IL1RAPL2: variants seen among roughly 807,000 people sequenced by gnomAD.
The protein encoded by IL1RAPL2 is interleukin 1 receptor accessory protein like 2.
A neutral mutation model predicts 44.1 loss-of-function variants in IL1RAPL2; 3 were observed. The ratio of observed to expected loss-of-function variants is 0.07; its 90% CI spans 0.03 to 0.18. The LOEUF is 0.18. IL1RAPL2 is among the 10% of genes least tolerant of loss of function. The pLI is 1.00. For synonymous variants in IL1RAPL2, 181 were observed against 178.8 expected (o/e 1.01, Z -0.10); for missense variants, 391 against 496.4 (o/e 0.79, Z 2.02).
chrX:105,276,833 T>A (rs1021512724), intron 5 of IL1RAPL2, among the ~76,000 whole-genome samples: 4 of 111,323 alleles, frequency 3.6e-5, no homozygotes, highest in African/African-American at 1.3e-4. Flanking sequence ...TGGAAAAAAA[T>A]TTAAAGAAAG....
intron 10 of IL1RAPL2, among the ~76,000 whole-genome samples, chrX:105,762,635 C>T (rs1413196430): frequency 8.9e-6 from 1 of 112,000 alleles, no homozygotes; most frequent in Non-Finnish European, 1.9e-5. Context: ...GTTTCGCAGA[C>T]TGGTCTAGAG....
chrX:105,195,442 C>T, intron 2 of IL1RAPL2, 33 bp from the exon 3 acceptor site: 1 of 1,197,564 alleles, frequency 8.4e-7, no homozygotes, highest in Non-Finnish European at 1.1e-6. Flanking sequence ...ACAATGCTCA[C>T]TGTATCTTAT....
intron 2 of IL1RAPL2, among the ~76,000 whole-genome samples, chrX:104,933,935 T>C (rs1209141013): frequency 2.7e-5 from 3 of 111,744 alleles, no homozygotes; most frequent in Non-Finnish European, 5.7e-5. Context: ...GAAAAAACAA[T>C]GTGGAACATA....
At chrX:105,130,356 G>T (rs1394842784) in intron 2 of IL1RAPL2, among the ~76,000 whole-genome samples, 3 of 111,398 alleles carry the variant, frequency 2.7e-5, no homozygotes, top group African/African-American at 9.8e-5. Flanking sequence ...ACCTCCAGGT[G>T]ATTCTGATGT....
chrX:105,019,807 T>A (rs1372833955), intron 2 of IL1RAPL2, among the ~76,000 whole-genome samples: 3 of 111,512 alleles, frequency 2.7e-5, no homozygotes, highest in South Asian at 7.4e-4. Flanking sequence ...GAATTTAAAA[T>A]CTCTCTAACT....
intron 2 of IL1RAPL2, among the ~76,000 whole-genome samples, chrX:104,839,197 A>T (rs1471477954): frequency 1.0e-4 from 11 of 110,394 alleles, no homozygotes; most frequent in African/African-American, 3.6e-4. Context: ...ATTCAGTATG[A>T]TATTGGCTAT....
chrX:105,041,745 C>G (rs756817426), intron 2 of IL1RAPL2, among the ~76,000 whole-genome samples: 7,613 of 107,793 alleles, frequency 0.071, 711 homozygotes, highest in African/African-American at 0.25. Flanking sequence ...TCATATGGAA[C>G]CAAAAAAGAG....
At chrX:105,510,679 G>A (rs754564723) in intron 6 of IL1RAPL2, among the ~76,000 whole-genome samples, 3 of 111,744 alleles carry the variant, frequency 2.7e-5, no homozygotes, top group African/African-American at 9.8e-5. Context: ...GAATAGGTCA[G>A]AGTGATATGA....
chrX:105,009,763 A>T (rs750882509), intron 2 of IL1RAPL2, among the ~76,000 whole-genome samples: 80 of 110,188 alleles, frequency 7.3e-4, no homozygotes, highest in Admixed American at 5.9e-3. Flanking sequence ...AATAAAATTT[A>T]AAAAAAAGAA....
chrX:104,685,105 T>C (rs1034595943), intron 2 of IL1RAPL2, among the ~76,000 whole-genome samples: 34 of 112,176 alleles, frequency 3.0e-4, no homozygotes, highest in Admixed American at 3.0e-3. Flanking sequence ...GCTTCTAGGT[T>C]TATTTGTTCA....
chrX:105,177,317 A>G (rs1015916231), intron 2 of IL1RAPL2, among the ~76,000 whole-genome samples: 4 of 109,831 alleles, frequency 3.6e-5, no homozygotes, highest in South Asian at 4.0e-4. Context: ...ACTGTCTCCT[A>G]TCACCCCCAG....
intron 3 of IL1RAPL2, among the ~76,000 whole-genome samples, chrX:105,197,140 C>A (rs1444240276): frequency 9.0e-6 from 1 of 111,104 alleles, no homozygotes; most frequent in Non-Finnish European, 1.9e-5. Context: ...TTGTGGTAGG[C>A]AAGATCTTCA....
Position 105,195,500 on chromosome X carries a change from G to A in IL1RAPL2, c.108G>A (p.Val36=). ...NSVDGCIDWS[V]DLKTYMALAG... ...TGGATGGCTGCATTGACTGGTCAGT[G>A]GATCTCAAGACATACATGGCTTTGG... The change falls in exon 3 of 11, where the codon GTG becomes GTA. Residue 36 remains valine (V), a synonymous_variant. Coordinates refer to ENST00000372582, the MANE Select transcript of IL1RAPL2 (RefSeq NM_017416.2). 1.7e-6 allele frequency: 2 copies of A among 1,211,668 alleles called. No individual in the cohort carries two copies. The highest frequency in any genetic ancestry group is 2.2e-6 in the Non-Finnish European group (2 of 895,238).
At chrX:104,939,819 GT>G (rs1055474594) in intron 2 of IL1RAPL2, among the ~76,000 whole-genome samples, 17 of 111,647 alleles carry the variant, frequency 1.5e-4, no homozygotes, top group African/African-American at 5.5e-4. Context: ...TTAAAAACAT[GT>G]TAAGTAAAAG....
chrX:105,143,125 A>G (rs1292897504), intron 2 of IL1RAPL2, among the ~76,000 whole-genome samples: 6 of 111,655 alleles, frequency 5.4e-5, no homozygotes, highest in Non-Finnish European at 9.4e-5. Context: ...GCTTCTGCAC[A>G]GCAAAAGAAA....
chrX:105,170,391 T>A (rs962885428), intron 2 of IL1RAPL2, among the ~76,000 whole-genome samples: 10 of 111,745 alleles, frequency 8.9e-5, no homozygotes, highest in Non-Finnish European at 1.7e-4. Flanking sequence ...TTATAAATTA[T>A]ATTACCAATA....
intron 2 of IL1RAPL2, among the ~76,000 whole-genome samples, chrX:104,957,777 T>C (rs1008663998): frequency 9.0e-6 from 1 of 111,501 alleles, no homozygotes; most frequent in Non-Finnish European, 1.9e-5. Context: ...GCCTGTGTTA[T>C]TGGTTGGTTT....
intron 3 of IL1RAPL2, among the ~76,000 whole-genome samples, chrX:105,211,507 A>G (rs2033807671): frequency 9.0e-6 from 1 of 111,476 alleles, no homozygotes; most frequent in Non-Finnish European, 1.9e-5. Context: ...CACTCAGATC[A>G]TGAATGAACT....
intron 2 of IL1RAPL2, among the ~76,000 whole-genome samples, chrX:105,087,799 T>C (rs1412699698): frequency 8.9e-6 from 1 of 112,279 alleles, no homozygotes; most frequent in Non-Finnish European, 1.9e-5. Context: ...ACTAATTACA[T>C]GTTGTCTTGT....
Sources: gnomAD v4.1 joint callset for allele counts (sites outside exome capture counted in the v4.1 genomes callset) on GRCh38, gnomAD v4.1.1 for gene constraint, MANE v1.5 for transcripts, NCBI Gene and HGNC (gene_info 2026-07-23, HGNC 2026-07-21) for gene names.